Variants in IKBKB-DT observed in about 807,000 individuals in gnomAD.
IKBKB-DT encodes the protein IKBKB divergent transcript.
At chr8:42,269,663 G>A (rs1198577413) in intron 1 of IKBKB-DT, among the ~76,000 whole-genome samples, 1 of 151,894 alleles carries the variant, frequency 6.6e-6, no homozygotes, top group Non-Finnish European at 1.5e-5. Context: ...AGAGAAAGGA[G>A]AGGGAAGAGG....
chr8:42,261,708 T>C (rs1337414716), intron 3 of IKBKB-DT, among the ~76,000 whole-genome samples: 1 of 152,248 alleles, frequency 6.6e-6, no homozygotes, highest in African/African-American at 2.4e-5. Flanking sequence ...AACTTGGAAG[T>C]GTGTCCCGGG....
chr8:42,262,719 A>T (rs1310413160), intron 3 of IKBKB-DT, among the ~76,000 whole-genome samples: 1 of 151,594 alleles, frequency 6.6e-6, no homozygotes, highest in Non-Finnish European at 1.5e-5. Flanking sequence ...GATTACAGGC[A>T]TGAGCCACCA....
intron 3 of IKBKB-DT, among the ~76,000 whole-genome samples, chr8:42,256,284 G>A (rs73622119): frequency 0.078 from 11,878 of 151,578 alleles, 1,197 homozygotes; most frequent in African/African-American, 0.23. Flanking sequence ...ATCATCAGTC[G>A]GGCGTGGTGG....
intron 3 of IKBKB-DT, among the ~76,000 whole-genome samples, chr8:42,243,699 T>C (rs925756926): frequency 3.9e-5 from 6 of 152,358 alleles, no homozygotes; most frequent in Non-Finnish European, 7.3e-5. Flanking sequence ...AGACGGACAG[T>C]ACTCACAGGA....
chr8:42,235,389 A>T (rs140525913), intron 3 of IKBKB-DT, among the ~76,000 whole-genome samples: 2 of 152,010 alleles, frequency 1.3e-5, no homozygotes, highest in East Asian at 3.9e-4. Context: ...TATTTTTACT[A>T]GAGTCAGGGT....
chr8:42,239,514 T>C (rs1192607221), intron 3 of IKBKB-DT, among the ~76,000 whole-genome samples: 6 of 150,392 alleles, frequency 4.0e-5, no homozygotes, highest in Non-Finnish European at 5.9e-5. Flanking sequence ...ATTGACAAAT[T>C]ACCAATTTGA....
chr8:42,247,908 C>T (rs1807081813), intron 3 of IKBKB-DT, among the ~76,000 whole-genome samples: 1 of 152,174 alleles, frequency 6.6e-6, no homozygotes, highest in African/African-American at 2.4e-5. Context: ...GCCTGGCCAA[C>T]ATGGTGAAAC....
At chr8:42,235,955 G>T (rs115752518) in intron 3 of IKBKB-DT, among the ~76,000 whole-genome samples, 2,395 of 152,142 alleles carry the variant, frequency 0.016, 53 homozygotes, top group African/African-American at 0.053. Flanking sequence ...TGGGGGTTGG[G>T]GGGCGGAGGT....
intron 3 of IKBKB-DT, among the ~76,000 whole-genome samples, chr8:42,254,972 G>C (rs1442698750): frequency 1.3e-5 from 2 of 150,556 alleles, no homozygotes; most frequent in Non-Finnish European, 3.0e-5. Flanking sequence ...GCTGCCCACT[G>C]TCTGGCAAAT....
intron 3 of IKBKB-DT, among the ~76,000 whole-genome samples, chr8:42,249,785 A>C (rs1282324068): frequency 2.6e-5 from 4 of 152,076 alleles, no homozygotes; most frequent in Non-Finnish European, 5.9e-5. Context: ...CCAGATGTTA[A>C]GACATTATGG....
intron 3 of IKBKB-DT, among the ~76,000 whole-genome samples, chr8:42,237,933 G>T (rs1806945709): frequency 6.7e-6 from 1 of 149,644 alleles, no homozygotes; most frequent in Admixed American, 6.7e-5. Flanking sequence ...GCTGAGGTGG[G>T]AGGACCACTT....
intron 3 of IKBKB-DT, among the ~76,000 whole-genome samples, chr8:42,260,239 G>A (rs1230236477): frequency 2.0e-5 from 3 of 152,140 alleles, no homozygotes; most frequent in Non-Finnish European, 2.9e-5. Context: ...AGTTTCAAGC[G>A]ATGGAGACAT....
chr8:42,244,078 T>A (rs758971300), intron 3 of IKBKB-DT, among the ~76,000 whole-genome samples: 2 of 152,206 alleles, frequency 1.3e-5, no homozygotes, highest in Non-Finnish European at 2.9e-5. Context: ...TTCTGGAAAC[T>A]AAGCTTTGGT....
chr8:42,270,786 GGGT>G (rs1807590378), exon 1 of IKBKB-DT: 1 of 152,668 alleles, frequency 6.6e-6, no homozygotes, highest in Admixed American at 6.5e-5. Context: ...CCGGGGCTGG[GGGT>G]GCAGTTTGGC....
At chr8:42,241,625 A>G (rs950407695) in intron 3 of IKBKB-DT, among the ~76,000 whole-genome samples, 1 of 152,218 alleles carries the variant, frequency 6.6e-6, no homozygotes, top group African/African-American at 2.4e-5. Flanking sequence ...GAACTATCTG[A>G]CAAAGATTTT....
At chr8:42,262,373 C>T (rs1369836203) in intron 3 of IKBKB-DT, among the ~76,000 whole-genome samples, 1 of 151,436 alleles carries the variant, frequency 6.6e-6, no homozygotes, top group African/African-American at 2.4e-5. Flanking sequence ...AAACTTGTAC[C>T]TTCCTCCCCT....
At chr8:42,267,000 T>G (rs1046558728) in intron 1 of IKBKB-DT, among the ~76,000 whole-genome samples, 1 of 137,424 alleles carries the variant, frequency 7.3e-6, no homozygotes, top group African/African-American at 3.6e-5. Flanking sequence ...TTTGTTTTTT[T>G]TTTGTTTTTT....
At chr8:42,235,205 C>CTTTTCT (rs1806903791) in intron 3 of IKBKB-DT, among the ~76,000 whole-genome samples, 1 of 99,402 alleles carries the variant, frequency 1.0e-5, no homozygotes, top group African/African-American at 4.0e-5. Context: ...CTTTTATTTT[C>CTTTTCT]TTTTTTTTTT....
chr8:42,253,454 T>C (rs1807155149), intron 3 of IKBKB-DT, among the ~76,000 whole-genome samples: 1 of 152,188 alleles, frequency 6.6e-6, no homozygotes, highest in African/African-American at 2.4e-5. Context: ...CTTTTGCAGC[T>C]TCATGAAAAG....
Sources: allele counts gnomAD v4.1 joint callset (sites outside exome capture counted in the v4.1 genomes callset), GRCh38; gene constraint gnomAD v4.1.1; transcripts MANE v1.5; gene names NCBI Gene and HGNC (gene_info 2026-07-23, HGNC 2026-07-21).